The following WDR70 variants were observed in gnomAD, a reference collection of about 807,000 sequenced individuals.
WDR70 encodes the protein WD repeat domain 70, also known as WD repeat-containing protein 70.
WDR70 carries 53 observed loss-of-function variants against 88.6 expected under a neutral mutation model. That is an observed-to-expected ratio of 0.60 (90% confidence interval 0.48 to 0.75). WDR70 has a LOEUF of 0.75. Among genes scored for constraint, WDR70 ranks in the 30% least tolerant of loss-of-function variants. The pLI is 0.00. For missense variants in WDR70, 610 were observed against 823.2 expected (o/e 0.74, Z 3.17); for synonymous variants, 280 against 270.0 (o/e 1.04, Z -0.36).
chr5:37,596,496 G>A (rs919471510), intron 9 of WDR70, among the ~76,000 whole-genome samples: 4 of 152,122 alleles, frequency 2.6e-5, no homozygotes, highest in Non-Finnish European at 2.9e-5. Context: ...AGAAGTCTCC[G>A]AAAGAAGGTT....
chr5:37,409,635 A>G (rs1749462292), intron 5 of WDR70, among the ~76,000 whole-genome samples: 2 of 151,516 alleles, frequency 1.3e-5, no homozygotes, highest in Non-Finnish European at 2.9e-5. Flanking sequence ...TTCCCGAGTA[A>G]CTGGGATTAC....
At chr5:37,521,393 A>G (rs1435420984) in intron 9 of WDR70, among the ~76,000 whole-genome samples, 1 of 152,184 alleles carries the variant, frequency 6.6e-6, no homozygotes, top group East Asian at 1.9e-4. Context: ...TGATTACATG[A>G]ATAAGTTCTG....
At chr5:37,497,555 G>A (rs1415617900) in intron 8 of WDR70, among the ~76,000 whole-genome samples, 1 of 145,992 alleles carries the variant, frequency 6.8e-6, no homozygotes, top group African/African-American at 2.5e-5. Flanking sequence ...CCTTCCACAT[G>A]CAATCTGGCC....
At chr5:37,530,076 C>G (rs144657744) in intron 9 of WDR70, among the ~76,000 whole-genome samples, 3 of 152,160 alleles carry the variant, frequency 2.0e-5, no homozygotes, top group Admixed American at 2.0e-4. Flanking sequence ...TCTCTTCAGA[C>G]GATCATGTGA....
intron 5 of WDR70, among the ~76,000 whole-genome samples, chr5:37,420,725 A>T (rs1164427659): frequency 6.6e-6 from 1 of 152,094 alleles, no homozygotes; most frequent in South Asian, 2.1e-4. Context: ...CAGCCTGGCC[A>T]ACATGGTGAA....
At chr5:37,626,771 C>T (rs1401271559) in intron 10 of WDR70, among the ~76,000 whole-genome samples, 2 of 152,004 alleles carry the variant, frequency 1.3e-5, no homozygotes, top group African/African-American at 4.8e-5. Context: ...GTTGAAAGAC[C>T]TTTTACTACT....
intron 10 of WDR70, among the ~76,000 whole-genome samples, chr5:37,607,737 A>G (rs1362280778): frequency 6.6e-6 from 1 of 152,224 alleles, no homozygotes; most frequent in East Asian, 1.9e-4. Context: ...CATTGCAGAA[A>G]GTTCACTGGA....
intron 6 of WDR70, among the ~76,000 whole-genome samples, chr5:37,439,341 T>C (rs1302540417): frequency 6.6e-6 from 1 of 152,146 alleles, no homozygotes; most frequent in African/African-American, 2.4e-5. Flanking sequence ...AATCAGGTTT[T>C]TTATATTTTT....
intron 8 of WDR70, among the ~76,000 whole-genome samples, chr5:37,498,774 A>T (rs1207424257): frequency 6.6e-6 from 1 of 152,216 alleles, no homozygotes; most frequent in Non-Finnish European, 1.5e-5. Context: ...TGTCTTACCA[A>T]CAAAACTTTA....
At chr5:37,719,010 G>C (rs775076591) in intron 13 of WDR70, among the ~76,000 whole-genome samples, 1 of 152,196 alleles carries the variant, frequency 6.6e-6, no homozygotes, top group Non-Finnish European at 1.5e-5. Flanking sequence ...GGGTGGTTTA[G>C]ATAGCAATGA....
intron 11 of WDR70, among the ~76,000 whole-genome samples, chr5:37,698,529 A>G (rs1025888371): frequency 2.6e-5 from 4 of 152,204 alleles, no homozygotes; most frequent in African/African-American, 9.6e-5. Flanking sequence ...GAACTATGCT[A>G]CAGAGGGCCT....
rs558231865 is a variant in WDR70, at chr5:37,531,012, A to T, written c.917+14422A>T. Among the ~76,000 whole-genome samples, 4 of 152,242 alleles carry T rather than the reference A, an allele frequency of 2.6e-5. No homozygotes were observed. The South Asian group carries it at 8.3e-4, about 32-fold the overall frequency. On this transcript the variant is annotated intron_variant, in intron 9 of 17. Transcript: ENST00000265107. ...AGGTTGTGTCACTGTCATTCAGTTC[A>T]AAGAATTTTTGAATTTCCATCTTGA...
chr5:37,588,491 G>A (rs998122987), intron 9 of WDR70, among the ~76,000 whole-genome samples: 55 of 151,910 alleles, frequency 3.6e-4, no homozygotes, highest in Non-Finnish European at 1.2e-4. Context: ...TCCCTTCCCT[G>A]CCCTCCCCTT....
rs1741759376 is a variant in WDR70, at chr5:37,539,668, A to G, written c.917+23078A>G. 3.9e-5 allele frequency among the ~76,000 whole-genome samples: 6 copies of G among 152,226 alleles called. No homozygotes were observed. The South Asian group carries it at 1.2e-3, about 32-fold the overall frequency. The stretch of plus-strand genomic sequence containing the variant: ...TGCACACATGTACAAACCTGTGCAC[A>G]GGAATGTGCCCAATAATGGAATGTT... On this transcript the variant is annotated intron_variant, in intron 9 of 17. Transcript: ENST00000265107.
chr5:37,678,268 GTCA>G (rs1466480266), intron 10 of WDR70, among the ~76,000 whole-genome samples: 2 of 152,124 alleles, frequency 1.3e-5, no homozygotes, highest in African/African-American at 2.4e-5. Context: ...ATTTGATCCT[GTCA>G]TCATGATGTT....
chr5:37,681,544 A>C (rs4343860), intron 10 of WDR70, among the ~76,000 whole-genome samples: 57,082 of 151,988 alleles, frequency 0.38, 12,329 homozygotes, highest in Admixed American at 0.5. Flanking sequence ...TCACCCATTC[A>C]TTATGATGTT....
At chr5:37,701,242 G>A in intron 12 of WDR70, 100 bp downstream of exon 12, 1 of 746,826 alleles carries the variant, frequency 1.3e-6, no homozygotes, top group Admixed American at 2.6e-5. Context: ...TAGATCTTCT[G>A]GAAAAGAGAC....
intron 9 of WDR70, among the ~76,000 whole-genome samples, chr5:37,534,004 G>T (rs980862547): frequency 2.0e-5 from 3 of 152,196 alleles, no homozygotes; most frequent in African/African-American, 7.2e-5. Flanking sequence ...TGGTGATCCA[G>T]TTACCTCAAA....
intron 9 of WDR70, among the ~76,000 whole-genome samples, chr5:37,519,703 G>A (rs560034252): frequency 1.1e-4 from 17 of 152,072 alleles, no homozygotes; most frequent in South Asian, 4.2e-4. Context: ...GGGCAGAGGC[G>A]CTCCTCACCT....
Sources: allele counts gnomAD v4.1 joint callset (sites outside exome capture counted in the v4.1 genomes callset), GRCh38; gene constraint gnomAD v4.1.1; transcripts MANE v1.5; gene names NCBI Gene and HGNC (gene_info 2026-07-23, HGNC 2026-07-21).